The following ZNF578 variants were observed in gnomAD, a reference collection of about 807,000 sequenced individuals.
ZNF578 encodes the protein Putative chemokine-related protein B42.
Under a neutral mutation model 8.3 loss-of-function variants are expected in ZNF578, and 8 were observed. That is an observed-to-expected ratio of 0.96 (90% CI 0.56 to 1.74). The LOEUF (loss-of-function observed/expected upper bound fraction) is 1.74. Among genes scored for constraint, ZNF578 ranks in the 40% most tolerant of loss-of-function variants. ZNF578 has a pLI of 0.00. For synonymous variants in ZNF578, 206 were observed against 232.2 expected (o/e 0.89, Z 1.03); for missense variants, 726 against 707.5 (o/e 1.03, Z -0.30).
At chr19:52,470,817 A>G (rs917562423) in intron 2 of ZNF578, among the ~76,000 whole-genome samples, 2 of 152,176 alleles carry the variant, frequency 1.3e-5, no homozygotes, top group African/African-American at 2.4e-5. Flanking sequence ...GCTTTTAGCC[A>G]TAGACTGAAA....
chr19:52,482,850 T>A (rs1420273875), intron 2 of ZNF578, among the ~76,000 whole-genome samples: 1 of 150,060 alleles, frequency 6.7e-6, no homozygotes, highest in Non-Finnish European at 1.5e-5. Context: ...GGCAGGAGAA[T>A]TACTTGGACC....
At chr19:52,471,549 C>T (rs1801998731) in intron 2 of ZNF578, among the ~76,000 whole-genome samples, 1 of 152,116 alleles carries the variant, frequency 6.6e-6, no homozygotes, top group Non-Finnish European at 1.5e-5. Context: ...TTTGCACCAG[C>T]TGGAAGTTCA....
At chr19:52,491,757 A>T (rs1266894128) in intron 3 of ZNF578, among the ~76,000 whole-genome samples, 1 of 152,114 alleles carries the variant, frequency 6.6e-6, no homozygotes, top group Non-Finnish European at 1.5e-5. Context: ...AAAGTAATAG[A>T]TCTCTTTAAC....
intron 4 of ZNF578, 83 bp from the exon 5 acceptor site, chr19:52,504,572 C>G (rs1019155975): frequency 3.1e-6 from 5 of 1,596,830 alleles, no homozygotes; most frequent in African/African-American, 2.7e-5. Context: ...CAAAGAAATA[C>G]TTATTTTCTC....
intron 3 of ZNF578, among the ~76,000 whole-genome samples, chr19:52,496,082 C>T (rs1330340361): frequency 2.0e-5 from 3 of 151,808 alleles, no homozygotes; most frequent in Admixed American, 6.6e-5. Context: ...TGGAGTGGAG[C>T]GATCTGGACT....
intron 5 of ZNF578, among the ~76,000 whole-genome samples, chr19:52,509,397 A>C (rs1465223105): frequency 6.6e-6 from 1 of 152,100 alleles, no homozygotes; most frequent in Admixed American, 6.6e-5. Flanking sequence ...TGCTGGTTTT[A>C]TCATGGGTTA....
chr19:52,486,324 A>G lies in ZNF578; in HGVS notation c.-121-5000A>G, dbSNP rs540500419. Among the ~76,000 whole-genome samples, 10 of 152,308 alleles carry G rather than the reference A, an allele frequency of 6.6e-5. No individual in the cohort carries two copies. The East Asian group carries it at 1.9e-3, about 29-fold the overall frequency. On this transcript the variant is annotated intron_variant, in intron 2 of 5. Coordinates refer to ENST00000421239, the MANE Select transcript of ZNF578 (RefSeq NM_001099694.2). ...CTCTGAGATGGTAGAGATAGTGATCAATAAATACTGAGGGAACTCAGAGAC... is the reference window on the plus strand; with the variant it reads ...CTCTGAGATGGTAGAGATAGTGATCGATAAATACTGAGGGAACTCAGAGAC...
In ZNF578 at chr19:52,488,210, C is replaced by A. The variant is rs558069965; in HGVS notation, c.-121-3114C>A. On this transcript the variant is annotated intron_variant, in intron 2 of 5. Transcript: ENST00000421239. ...CAAGTGATCCGCTGCCTGGGCCTCC[C>A]AAAGTGCTGGGATTACAGGCATGAG... Among the ~76,000 whole-genome samples, 8 of 152,062 alleles carry A rather than the reference C, an allele frequency of 5.3e-5. No homozygotes were observed. In the East Asian group the frequency reaches 1.4e-3, roughly 27 times the overall value.
At chr19:52,482,690 G>A (rs1215330953) in intron 2 of ZNF578, among the ~76,000 whole-genome samples, 1 of 152,106 alleles carries the variant, frequency 6.6e-6, no homozygotes, top group Admixed American at 6.5e-5. Flanking sequence ...GCTCATGCCT[G>A]TAATCCCAGC....
In ZNF578 at chr19:52,498,892, G is replaced by A. The variant is rs551872300; in HGVS notation, c.-19-2935G>A. ...AGAGATGGGGTTTACTATGTTGCCC[G>A]TGTTGGTCTCAGACTTCTTGGCTCA... On this transcript the variant is annotated intron_variant, in intron 3 of 5. Coordinates refer to ENST00000421239, the MANE Select transcript of ZNF578 (RefSeq NM_001099694.2). Among the ~76,000 whole-genome samples, 8 of 152,100 alleles carry A rather than the reference G, an allele frequency of 5.3e-5. 1 individual carries two copies. The South Asian group carries it at 1.0e-3, about 20-fold the overall frequency.
chr19:52,501,129 G>A (rs1285560962), intron 3 of ZNF578, among the ~76,000 whole-genome samples: 2 of 152,046 alleles, frequency 1.3e-5, no homozygotes, highest in African/African-American at 4.8e-5. Flanking sequence ...CAGCCGCCTC[G>A]GCCTCCCAAA....
intron 1 of ZNF578, chr19:52,454,853 TGG>T (rs2059234321): frequency 6.6e-6 from 1 of 152,228 alleles, no homozygotes; most frequent in African/African-American, 2.4e-5. Flanking sequence ...TGCAAGGAAC[TGG>T]TCAGTGTAGG....
intron 3 of ZNF578, among the ~76,000 whole-genome samples, chr19:52,496,699 C>T (rs367731708): frequency 5.3e-5 from 8 of 151,792 alleles, no homozygotes; most frequent in East Asian, 1.9e-4. Flanking sequence ...AGTGCAATGG[C>T]GCAATCTCGG....
At chr19:52,466,317 GTGTCTTTCTCCTTGAA>G (rs1235103556) in intron 2 of ZNF578, among the ~76,000 whole-genome samples, 1 of 152,196 alleles carries the variant, frequency 6.6e-6, no homozygotes, top group African/African-American at 2.4e-5. Context: ...CTTCAAAGGA[GTGTCTTTCTCCTTGAA>G]CACAATGTTT....
chr19:52,494,255 G>A (rs557986612), intron 3 of ZNF578, among the ~76,000 whole-genome samples: 13 of 152,290 alleles, frequency 8.5e-5, no homozygotes, highest in African/African-American at 2.9e-4. Flanking sequence ...AGGAGACTGA[G>A]GCAGAGGGAT....
chr19:52,495,790 C>T (rs1359080228), intron 3 of ZNF578, among the ~76,000 whole-genome samples: 3 of 151,856 alleles, frequency 2.0e-5, no homozygotes, highest in African/African-American at 7.3e-5. Flanking sequence ...GGCAGCTTCC[C>T]TCTGCAACCC....
At position 52,516,783 on chromosome 19, in the gene ZNF578, A is replaced by G. The variant is rs756657078; in HGVS notation, c.*4629A>G. ...AACTCCACCGCCTGTCCCAAAAGCT[A>G]CAAGAACTAATGATAATCCCACCAT... On this transcript the variant is annotated 3_prime_UTR_variant, in exon 6 of 6. Coordinates refer to ENST00000421239, the MANE Select transcript of ZNF578 (RefSeq NM_001099694.2). 2.0e-5 allele frequency among the ~76,000 whole-genome samples: 3 copies of G among 152,138 alleles called. No homozygotes were observed. The highest frequency in any genetic ancestry group is 2.9e-5 in the Non-Finnish European group (2 of 68,040).
At chr19:52,498,453 TCC>T (rs1238510910) in intron 3 of ZNF578, among the ~76,000 whole-genome samples, 1 of 150,560 alleles carries the variant, frequency 6.6e-6, no homozygotes, top group Non-Finnish European at 1.5e-5. Flanking sequence ...TGCCTCAGCC[TCC>T]GGAGTAGCTG....
chr19:52,497,218 G>A (rs1169945971), intron 3 of ZNF578, among the ~76,000 whole-genome samples: 5 of 152,314 alleles, frequency 3.3e-5, no homozygotes, highest in African/African-American at 1.2e-4. Context: ...TCCTGCCTCA[G>A]CCTCCTGAGT....
Sources: gnomAD v4.1 joint callset for allele counts (sites outside exome capture counted in the v4.1 genomes callset) on GRCh38, gnomAD v4.1.1 for gene constraint, MANE v1.5 for transcripts, NCBI Gene and HGNC (gene_info 2026-07-23, HGNC 2026-07-21) for gene names.